Variants in GNAQ observed in about 807,000 individuals in gnomAD.
The protein encoded by GNAQ is G protein subunit alpha q.
A neutral mutation model predicts 43.9 loss-of-function variants in GNAQ; 8 were observed. That is an observed-to-expected ratio of 0.18 (90% CI 0.11 to 0.33). The LOEUF (loss-of-function observed/expected upper bound fraction) is 0.33, where lower values mean the gene tolerates loss of function less well. Among genes scored for constraint, GNAQ ranks in the 10% least tolerant of loss-of-function variants. The pLI, the probability that GNAQ is intolerant of heterozygous loss-of-function variation, is 1.00. For missense variants in GNAQ, 158 were observed against 450.8 expected, an observed-to-expected ratio of 0.35 and a Z score of 5.88; for synonymous variants, 155 against 170.7, an observed-to-expected ratio of 0.91 and a Z score of 0.71.
In GNAQ at chr9:77,717,778, T is replaced by C. The variant is rs1825249100; in HGVS notation, c.*3545A>G. Reference sequence around the variant, plus strand: ...TTACGTGTTCTTCAGATTCCTTTTGTAGTTGTCATCTGCTAGTAAACAACA... The same window carrying C: ...TTACGTGTTCTTCAGATTCCTTTTGCAGTTGTCATCTGCTAGTAAACAACA... On this transcript the variant is annotated 3_prime_UTR_variant, in exon 7 of 7. Coordinates refer to ENST00000286548, the MANE Select transcript of GNAQ (RefSeq NM_002072.5). The C allele has an allele frequency of 8.6e-6, 2 of 232,614 alleles. No individual in the cohort carries two copies. The highest frequency in any genetic ancestry group is 1.3e-3 in the Middle Eastern group (1 of 776). 14.4% of individuals were successfully genotyped at this position (232,614 alleles called of 1,614,324 possible).
chr9:77,765,959 T>C (rs144997138), intron 5 of GNAQ, among the ~76,000 whole-genome samples: 302 of 152,370 alleles, frequency 2.0e-3, no homozygotes, highest in Admixed American at 3.5e-3. Context: ...GATGACATTA[T>C]GCTAAGTAAA....
intron 1 of GNAQ, among the ~76,000 whole-genome samples, chr9:77,949,571 A>G (rs1564160651): frequency 6.6e-6 from 1 of 152,166 alleles, no homozygotes; most frequent in Non-Finnish European, 1.5e-5. Flanking sequence ...GAACAGCAGC[A>G]GCTGGGGCAG....
At chr9:77,986,688 T>C (rs1823441862) in intron 1 of GNAQ, among the ~76,000 whole-genome samples, 1 of 151,918 alleles carries the variant, frequency 6.6e-6, no homozygotes, top group Non-Finnish European at 1.5e-5. Context: ...TTTACTTCTG[T>C]AGAGATGAGG....
chr9:77,772,937 G>T (rs1055345065), intron 5 of GNAQ, among the ~76,000 whole-genome samples: 10 of 152,054 alleles, frequency 6.6e-5, no homozygotes, highest in Non-Finnish European at 1.2e-4. Context: ...ACAGAAACAC[G>T]CCAAAAAAAA....
chr9:77,924,909 T>C (rs773409743), intron 1 of GNAQ, among the ~76,000 whole-genome samples: 5 of 151,950 alleles, frequency 3.3e-5, no homozygotes, highest in Non-Finnish European at 7.4e-5. Flanking sequence ...AGCTTTGTTA[T>C]ATTCTGTCTT....
intron 2 of GNAQ, among the ~76,000 whole-genome samples, chr9:77,823,544 T>C (rs1422751857): frequency 6.6e-6 from 1 of 152,120 alleles, no homozygotes. Context: ...GGATAATTTA[T>C]GAAGAAAAGA....
chr9:77,743,270 A>AACAC (rs910800009), intron 5 of GNAQ, among the ~76,000 whole-genome samples: 2 of 151,594 alleles, frequency 1.3e-5, no homozygotes, highest in Non-Finnish European at 2.9e-5. Context: ...CAAAAAACAA[A>AACAC]AAACAAACAA....
At chr9:77,949,084 C>T (rs974745712) in intron 1 of GNAQ, among the ~76,000 whole-genome samples, 3 of 152,130 alleles carry the variant, frequency 2.0e-5, no homozygotes, top group African/African-American at 7.2e-5. Flanking sequence ...GGATAACAGA[C>T]AGAAAATTCA....
intron 2 of GNAQ, among the ~76,000 whole-genome samples, chr9:77,818,142 T>A (rs939401206): frequency 1.3e-5 from 2 of 152,210 alleles, no homozygotes; most frequent in African/African-American, 4.8e-5. Context: ...GAAGTCAACC[T>A]CCATCAAAAC....
intron 2 of GNAQ, among the ~76,000 whole-genome samples, chr9:77,836,975 A>G (rs758696591): frequency 1.7e-4 from 26 of 152,180 alleles, no homozygotes; most frequent in Non-Finnish European, 2.9e-4. Flanking sequence ...GTACAGTTTA[A>G]AGAAATAACT....
intron 1 of GNAQ, among the ~76,000 whole-genome samples, chr9:78,009,152 T>A (rs76274117): frequency 6.6e-6 from 1 of 152,196 alleles, no homozygotes; most frequent in Non-Finnish European, 1.5e-5. Context: ...TACATGGAAA[T>A]TAATATTCAC....
At chr9:77,873,228 C>T (rs1283757285) in intron 2 of GNAQ, among the ~76,000 whole-genome samples, 2 of 152,146 alleles carry the variant, frequency 1.3e-5, no homozygotes, top group African/African-American at 4.8e-5. Context: ...TATCTGTTTG[C>T]ACATGCAAGG....
chr9:78,027,611 C>A (rs1162688988), intron 1 of GNAQ, among the ~76,000 whole-genome samples: 1 of 151,876 alleles, frequency 6.6e-6, no homozygotes, highest in Non-Finnish European at 1.5e-5. Flanking sequence ...AATAGCCGGG[C>A]GTGGTGGTGC....
At chr9:78,025,067 G>A (rs893792748) in intron 1 of GNAQ, among the ~76,000 whole-genome samples, 3 of 152,084 alleles carry the variant, frequency 2.0e-5, no homozygotes, top group African/African-American at 7.2e-5. Flanking sequence ...ACTGCAACAT[G>A]GACATTTATT....
At chr9:77,807,251 C>A (rs1248313918) in intron 3 of GNAQ, among the ~76,000 whole-genome samples, 1 of 152,140 alleles carries the variant, frequency 6.6e-6, no homozygotes, top group Non-Finnish European at 1.5e-5. Flanking sequence ...ATAAAGACAG[C>A]AAGATTCTTT....
At chr9:78,000,951 AAACAT>A (rs1349121830) in intron 1 of GNAQ, among the ~76,000 whole-genome samples, 1 of 152,254 alleles carries the variant, frequency 6.6e-6, no homozygotes, top group African/African-American at 2.4e-5. Context: ...TAAAAATCAA[AAACAT>A]AACTTTGCAG....
In GNAQ at chr9:77,719,376, A is replaced by C. The variant is rs1825274769; in HGVS notation, c.*1947T>G. The C allele has an allele frequency of 4.3e-6, 1 of 232,636 alleles. No individual in the cohort carries two copies. Among genetic ancestry groups the C allele is most frequent in the South Asian group, 1.8e-4 (1 of 5,524 alleles). 14.4% of individuals were successfully genotyped at this position (232,636 alleles called of 1,614,324 possible). Reference sequence around the variant, plus strand: ...TATGTACAATGATTAGAGCATTTGTAATTGCACTATACCTACAGGCAGTCT... The same window carrying C: ...TATGTACAATGATTAGAGCATTTGTCATTGCACTATACCTACAGGCAGTCT... On this transcript the variant is annotated 3_prime_UTR_variant, in exon 7 of 7. Transcript: ENST00000286548.
At chr9:77,739,280 G>A (rs991145082) in intron 5 of GNAQ, among the ~76,000 whole-genome samples, 1 of 152,236 alleles carries the variant, frequency 6.6e-6, no homozygotes, top group African/African-American at 2.4e-5. Flanking sequence ...CAGCAGTGAG[G>A]CTGAAGATTT....
intron 6 of GNAQ, among the ~76,000 whole-genome samples, chr9:77,726,911 G>A (rs1221308369): frequency 6.6e-6 from 1 of 152,106 alleles, no homozygotes; most frequent in Non-Finnish European, 1.5e-5. Context: ...GAGTAATTGA[G>A]GCTTTGCAAA....
Sources: allele counts gnomAD v4.1 joint callset (sites outside exome capture counted in the v4.1 genomes callset), GRCh38; gene constraint gnomAD v4.1.1; transcripts MANE v1.5; gene names NCBI Gene and HGNC (gene_info 2026-07-23, HGNC 2026-07-21).